TCP11L2: variants seen among roughly 807,000 people sequenced by gnomAD.
TCP11L2 encodes T-complex protein 11-like protein 2.
TCP11L2 carries 39 observed loss-of-function variants against 50.7 expected under a neutral mutation model. The ratio of observed to expected loss-of-function variants is 0.77; its 90% CI spans 0.60 to 1.01. The LOEUF is 1.01. TCP11L2 is among the 50% of genes least tolerant of loss of function. The pLI is 0.00. For missense variants in TCP11L2, 612 were observed against 614.7 expected, an observed-to-expected ratio of 1.00 and a Z score of 0.05; for synonymous variants, 192 against 219.3, an observed-to-expected ratio of 0.88 and a Z score of 1.10.
At chr12:106,303,557 G>T in intron 1 of TCP11L2, 1 of 152,456 alleles carries the variant, frequency 6.6e-6, no homozygotes. Context: ...GGGAAGAGGT[G>T]GAGAAAAGCC....
intron 1 of TCP11L2, among the ~76,000 whole-genome samples, chr12:106,306,087 TTGAC>T (rs933849955): frequency 3.3e-5 from 5 of 152,248 alleles, no homozygotes; most frequent in African/African-American, 1.2e-4. Context: ...CAGGACAAGT[TTGAC>T]TGTCTAGAAG....
At chr12:106,299,850 T>C (rs1276543288), upstream of TCP11L2, among the ~76,000 whole-genome samples, 1 of 152,214 alleles carries the variant, frequency 6.6e-6, no homozygotes, top group Non-Finnish European at 1.5e-5. Context: ...AGGTTGCAAA[T>C]CCAACTGTAA....
intron 1 of TCP11L2, among the ~76,000 whole-genome samples, chr12:106,305,164 G>A (rs759261011): frequency 1.4e-4 from 22 of 152,098 alleles, no homozygotes; most frequent in Non-Finnish European, 2.6e-4. Flanking sequence ...GGCAAGTAAC[G>A]CAACCTCTCT....
At chr12:106,314,966 A>G (rs374107502) in intron 3 of TCP11L2, among the ~76,000 whole-genome samples, 1 of 150,070 alleles carries the variant, frequency 6.7e-6, no homozygotes. Context: ...TCATCATGCC[A>G]CTACACTCCA....
intron 9 of TCP11L2, among the ~76,000 whole-genome samples, chr12:106,343,280 G>A (rs148030638): frequency 1.7e-3 from 265 of 152,308 alleles, no homozygotes; most frequent in Non-Finnish European, 3.1e-3. Flanking sequence ...ATGGGAAAGC[G>A]TTTGGATCAT....
At position 106,346,834 on chromosome 12, in the gene TCP11L2, A is replaced by C. The variant is rs541504213; in HGVS notation, c.*304A>C. 2.9e-4 allele frequency: 70 copies of C among 244,366 alleles called. 2 individuals are homozygous for C. The East Asian group carries it at 4.9e-3, about 17-fold the overall frequency. The allele number at this position is 244,366 out of a possible 1,614,324, so 15.1% of individuals were successfully genotyped here. On this transcript the variant is annotated 3_prime_UTR_variant, in exon 10 of 10. Coordinates refer to ENST00000299045, the MANE Select transcript of TCP11L2 (RefSeq NM_152772.3). ...ATATAATACTTGTAAATGTTTTCTT[A>C]ACCATTTATATTTGGCTTATGACAT...
intron 6 of TCP11L2, chr12:106,324,560 G>C (rs912640333): frequency 2.0e-5 from 3 of 152,182 alleles, no homozygotes; most frequent in Admixed American, 2.0e-4. Context: ...GAATATTCTT[G>C]TTCCTGGCTA....
chr12:106,305,579 A>G lies in TCP11L2; in HGVS notation c.-36+2638A>G, dbSNP rs1047647636. Among the ~76,000 whole-genome samples the G allele has an allele frequency of 2.0e-5, 3 of 152,232 alleles. 1 individual carries two copies. Among genetic ancestry groups the G allele is most frequent in the Admixed American group, 2.0e-4 (3 of 15,290 alleles). On this transcript the variant is annotated intron_variant, in intron 1 of 9. Coordinates refer to ENST00000299045, the MANE Select transcript of TCP11L2 (RefSeq NM_152772.3). ...TGTGAGTGAGGCAGAAAAGAAGGAA[A>G]ACTCAAGGTGTCTTATGAATAGGAG...
intron 5 of TCP11L2, among the ~76,000 whole-genome samples, chr12:106,322,815 G>A (rs1056705939): frequency 2.0e-5 from 3 of 152,156 alleles, no homozygotes; most frequent in African/African-American, 2.4e-5. Flanking sequence ...CCTTAGAGTC[G>A]TGCTCGGCTC....
In TCP11L2 at chr12:106,346,587, C is replaced by T. The variant is rs1419651289; in HGVS notation, c.*57C>T. On this transcript the variant is annotated 3_prime_UTR_variant, in exon 10 of 10. Coordinates refer to ENST00000299045, the MANE Select transcript of TCP11L2 (RefSeq NM_152772.3). ...ATCCAGTACTTTGGTATCCAGTCCA[C>T]TTCCATTGATGGCATTAGAGATCCA... is the stretch of plus-strand genomic sequence containing the variant. The T allele has an allele frequency of 6.4e-6, 10 of 1,560,326 alleles. No homozygotes were observed. The Admixed American group carries it at 1.3e-4, about 20-fold the overall frequency.
At chr12:106,302,486 G>A (rs947702949), upstream of TCP11L2, among the ~76,000 whole-genome samples, 1 of 149,616 alleles carries the variant, frequency 6.7e-6, no homozygotes. Flanking sequence ...CCGTCGGCTC[G>A]GCGGCCTCAG....
At chr12:106,307,761 G>A (rs142816058) in intron 1 of TCP11L2, among the ~76,000 whole-genome samples, 4 of 152,256 alleles carry the variant, frequency 2.6e-5, no homozygotes, top group Non-Finnish European at 5.9e-5. Flanking sequence ...AGAATATGGT[G>A]TTATCCTGAC....
chr12:106,314,499 C>G lies in TCP11L2; in HGVS notation c.293+6C>G. ...GAGGCTCTCCCAGAAAAGAGGTAACCTGGGGGCATTTGTTGTATATAAACT... is the reference window on the plus strand; with the variant it reads ...GAGGCTCTCCCAGAAAAGAGGTAACGTGGGGGCATTTGTTGTATATAAACT... On this transcript the variant is annotated splice_donor_region_variant and intron_variant, in intron 3 of 9. Transcript: ENST00000299045. 4 of 1,582,476 alleles carry G rather than the reference C, an allele frequency of 2.5e-6. No individual in the cohort carries two copies. The South Asian group carries it at 3.3e-5, about 13-fold the overall frequency.
upstream of TCP11L2, among the ~76,000 whole-genome samples, chr12:106,302,590 C>G (rs2034457494): frequency 6.6e-6 from 1 of 151,772 alleles, no homozygotes. Flanking sequence ...AAACACCCTC[C>G]CATCCGAGCT....
At position 106,346,331 on chromosome 12, in the gene TCP11L2, G is replaced by T. The variant is rs1236679338; in HGVS notation, c.1361G>T (p.Ser454Ile). ...LYMRRLLCLPSPQKCMPPMPG... is the reference protein window; with the variant it reads ...LYMRRLLCLPIPQKCMPPMPG... ...ATGAGAAGGCTACTTTGTCTTCCAA[G>T]CCCTCAAAAATGCATGCCTCCTATG... Residue 454 changes from serine to isoleucine, a missense_variant, in exon 10 of 10, where the codon AGC becomes ATC. Transcript: ENST00000299045. 1 of 1,613,800 alleles carries T rather than the reference G, an allele frequency of 6.2e-7. No homozygotes were observed. Among genetic ancestry groups the T allele is most frequent in the Non-Finnish European group, 8.5e-7 (1 of 1,179,782 alleles).
intron 6 of TCP11L2, among the ~76,000 whole-genome samples, chr12:106,335,038 T>A (rs2136791331): frequency 6.6e-6 from 1 of 152,296 alleles, no homozygotes; most frequent in South Asian, 2.1e-4. Context: ...TAAGAGAGAA[T>A]GACAATTGTT....
intron 3 of TCP11L2, among the ~76,000 whole-genome samples, chr12:106,316,959 A>G (rs1483999131): frequency 1.3e-5 from 2 of 152,188 alleles, no homozygotes. Context: ...GGCCATAGTG[A>G]AGGCATTTTA....
At position 106,314,407 on chromosome 12, in the gene TCP11L2, A is replaced by G. The variant is rs370829377; in HGVS notation, c.207A>G (p.Ala69=). 9.9e-6 allele frequency: 16 copies of G among 1,613,662 alleles called. No individual in the cohort carries two copies. Among genetic ancestry groups the G allele is most frequent in the Middle Eastern group, 3.3e-4 (2 of 6,060 alleles). Residue 69 remains alanine, a synonymous_variant, in exon 3 of 10, where the codon GCA becomes GCG. Transcript: ENST00000299045. ...CATTTGATGAAGTGATGGCTACAGC[A>G]AGGAACTTATCAAACTTGACTCTTG... The part of the protein sequence containing the change: ...VVTFDEVMAT[A]RNLSNLTLAH...
chr12:106,323,358 C>A, intron 5 of TCP11L2, 152 bp from the exon 6 acceptor site: 1 of 536,174 alleles, frequency 1.9e-6, no homozygotes, highest in Non-Finnish European at 3.2e-6. Flanking sequence ...CGTGTATGAG[C>A]TTCTATGAAA....
Sources: allele counts gnomAD v4.1 joint callset (sites outside exome capture counted in the v4.1 genomes callset), GRCh38; gene constraint gnomAD v4.1.1; transcripts MANE v1.5; gene names NCBI Gene and HGNC (gene_info 2026-07-23, HGNC 2026-07-21).